The following PDLIM5 variants were observed in gnomAD, a reference collection of about 807,000 sequenced individuals.
The protein encoded by PDLIM5 is PDZ and LIM domain 5.
PDLIM5 carries 34 observed loss-of-function variants against 64.2 expected under a neutral mutation model. The observed-to-expected ratio is 0.53, with a 90% CI of 0.40 to 0.71. The LOEUF (loss-of-function observed/expected upper bound fraction) is 0.71. PDLIM5 is among the 30% of genes least tolerant of loss of function. The probability of loss-of-function intolerance (pLI) is 0.00; values close to 1 mark genes in which losing one functional copy is unlikely to be tolerated. For missense variants in PDLIM5, 683 were observed against 733.6 expected (o/e 0.93, Z 0.80); for synonymous variants, 253 against 269.1 (o/e 0.94, Z 0.59).
intron 3 of PDLIM5, among the ~76,000 whole-genome samples, chr4:94,561,135 A>C (rs1289168124): frequency 2.0e-5 from 3 of 152,150 alleles, no homozygotes; most frequent in Non-Finnish European, 4.4e-5. Flanking sequence ...ACCTCGTTAC[A>C]AATAGTATAC....
chr4:94,551,171 G>T (rs924961740), intron 3 of PDLIM5, among the ~76,000 whole-genome samples: 1 of 151,958 alleles, frequency 6.6e-6, no homozygotes, highest in African/African-American at 2.4e-5. Flanking sequence ...CTATCTCAGG[G>T]TTTTATAGCT....
Position 94,586,392 on chromosome 4 carries a change from G to T in PDLIM5, c.884-16G>T. 7.2e-7 allele frequency: 1 copy of T among 1,395,318 alleles called. No individual in the cohort carries two copies. The highest frequency in any genetic ancestry group is 1.0e-6 in the Non-Finnish European group (1 of 986,742). 86.4% of individuals were successfully genotyped at this position (1,395,318 alleles called of 1,614,324 possible). On this transcript the variant is annotated splice_polypyrimidine_tract_variant and intron_variant, in intron 6 of 12. Coordinates refer to ENST00000317968, the MANE Select transcript of PDLIM5 (RefSeq NM_006457.5). ...ACAAAACAAACTAATATTGGATATT[G>T]CTTATTATATTTCAGTGAAAGAATC...
intron 2 of PDLIM5, among the ~76,000 whole-genome samples, chr4:94,500,175 C>T (rs1390047517): frequency 6.6e-6 from 1 of 152,138 alleles, no homozygotes; most frequent in Non-Finnish European, 1.5e-5. Context: ...AAACCTTGTA[C>T]ATAGTAGAGA....
At chr4:94,659,494 ATG>A (rs1163008328) in intron 11 of PDLIM5, among the ~76,000 whole-genome samples, 37,127 of 108,694 alleles carry the variant, frequency 0.34, 5,295 homozygotes, top group South Asian at 0.51. Flanking sequence ...ATATGTGTGT[ATG>A]TGTGTGTGTG....
intron 2 of PDLIM5, among the ~76,000 whole-genome samples, chr4:94,457,439 A>G (rs868143628): frequency 8.5e-5 from 13 of 152,122 alleles, no homozygotes; most frequent in Admixed American, 3.3e-4. Flanking sequence ...CTGATGATCT[A>G]TTATGGGAAC....
intron 9 of PDLIM5, among the ~76,000 whole-genome samples, chr4:94,640,841 A>T (rs1740952442): frequency 6.6e-6 from 1 of 152,198 alleles, no homozygotes; most frequent in Non-Finnish European, 1.5e-5. Flanking sequence ...AAAAATAACT[A>T]GTGACATTAA....
At chr4:94,529,139 A>T (rs1730631861) in intron 3 of PDLIM5, among the ~76,000 whole-genome samples, 1 of 152,206 alleles carries the variant, frequency 6.6e-6, no homozygotes. Context: ...ACATTGCGAG[A>T]AAGCTCCGGA....
intron 2 of PDLIM5, among the ~76,000 whole-genome samples, chr4:94,460,809 A>G (rs1313805650): frequency 2.0e-5 from 3 of 152,176 alleles, no homozygotes; most frequent in African/African-American, 7.2e-5. Context: ...CTGGAAAATC[A>G]GTTCATTAAT....
chr4:94,524,155 A>C (rs965427127), intron 3 of PDLIM5, among the ~76,000 whole-genome samples: 10 of 152,044 alleles, frequency 6.6e-5, no homozygotes, highest in African/African-American at 2.2e-4. Flanking sequence ...GGATTGGTTG[A>C]GCTAAGGAGT....
intron 2 of PDLIM5, among the ~76,000 whole-genome samples, chr4:94,486,715 G>A (rs1308479706): frequency 6.6e-6 from 1 of 152,152 alleles, no homozygotes; most frequent in African/African-American, 2.4e-5. Context: ...TAAAAAAACA[G>A]ATTAGGCCAG....
At chr4:94,663,834 T>C (rs2110512540) in intron 12 of PDLIM5, 144 bp from the exon 13 acceptor site, 4 of 621,486 alleles carry the variant, frequency 6.4e-6, no homozygotes, top group Middle Eastern at 3.0e-4. Context: ...CGTCAAATAT[T>C]AGGGAGTCTA....
intron 7 of PDLIM5, 78 bp from the exon 8 acceptor site, chr4:94,617,926 G>T: frequency 1.3e-6 from 1 of 742,744 alleles, no homozygotes. Flanking sequence ...ATTGATTAAT[G>T]GATTTTGAAA....
At chr4:94,589,008 G>C (rs2110324795) in intron 7 of PDLIM5, among the ~76,000 whole-genome samples, 1 of 152,272 alleles carries the variant, frequency 6.6e-6, no homozygotes, top group Middle Eastern at 3.4e-3. Flanking sequence ...GCCTGCTTGT[G>C]TTTTTATGAT....
intron 3 of PDLIM5, among the ~76,000 whole-genome samples, chr4:94,569,332 CGTTT>C (rs57176960): frequency 2.4e-4 from 37 of 151,532 alleles, no homozygotes; most frequent in South Asian, 4.2e-4. Context: ...TTTGTTTGTT[CGTTT>C]GTTTGTTTGT....
At chr4:94,502,918 C>T (rs1392265900) in intron 2 of PDLIM5, among the ~76,000 whole-genome samples, 4 of 151,998 alleles carry the variant, frequency 2.6e-5, no homozygotes, top group Non-Finnish European at 4.4e-5. Flanking sequence ...AAACATCTAA[C>T]TATCCAGGAA....
rs570094938 is a variant in PDLIM5, at chr4:94,642,598, T to C, written c.1283+2148T>C. Among the ~76,000 whole-genome samples the C allele has an allele frequency of 4.3e-4, 65 of 152,338 alleles. 1 individual carries two copies. The highest frequency in any genetic ancestry group is 1.3e-3 in the African/African-American group (52 of 41,584). ...ATCAGTTAAGCATTAAAGCTTCATTTACTAAGGAAGTTAATAGGAATGGGG... is the reference window on the plus strand; with the variant it reads ...ATCAGTTAAGCATTAAAGCTTCATTCACTAAGGAAGTTAATAGGAATGGGG... On this transcript the variant is annotated intron_variant, in intron 9 of 12. Coordinates refer to ENST00000317968, the MANE Select transcript of PDLIM5 (RefSeq NM_006457.5).
intron 2 of PDLIM5, among the ~76,000 whole-genome samples, chr4:94,487,604 C>T (rs1726472285): frequency 6.6e-6 from 1 of 152,170 alleles, no homozygotes; most frequent in Non-Finnish European, 1.5e-5. Context: ...TGTGTTTCTC[C>T]TTGACAGTGT....
chr4:94,458,117 G>A (rs1052928562), intron 2 of PDLIM5, among the ~76,000 whole-genome samples: 6 of 152,126 alleles, frequency 3.9e-5, no homozygotes, highest in South Asian at 2.1e-4. Context: ...AAAGGTTTGC[G>A]TTTAATAACT....
At position 94,456,294 on chromosome 4, in the gene PDLIM5, G is replaced by A. The variant is rs539600249; in HGVS notation, c.96+910G>A. 45 of 522,658 alleles carry A rather than the reference G, an allele frequency of 8.6e-5. No homozygotes were observed. The South Asian group carries it at 9.9e-4, about 11-fold the overall frequency. The allele number at this position is 522,658 out of a possible 1,614,324, so 32.4% of individuals were successfully genotyped here. A position where few individuals can be genotyped will look rare whatever the true frequency, so the allele number is the denominator to read the frequency against. ...GCTCACCACAACCTCCATCTCCCGA[G>A]TTCAAGCGATTCTCCTGCCTCAGCC... On this transcript the variant is annotated intron_variant, in intron 2 of 12. Coordinates refer to ENST00000317968, the MANE Select transcript of PDLIM5 (RefSeq NM_006457.5).
Sources: gnomAD v4.1 joint callset for allele counts (sites outside exome capture counted in the v4.1 genomes callset) on GRCh38, gnomAD v4.1.1 for gene constraint, MANE v1.5 for transcripts, NCBI Gene and HGNC (gene_info 2026-07-23, HGNC 2026-07-21) for gene names.